Variants in ENTREP2 observed in about 807,000 individuals in gnomAD.
The protein encoded by ENTREP2 is protein ENTREP2.
chr15:29,130,045 G>C, the ENTREP2 span, among the ~76,000 whole-genome samples: 12 of 152,144 alleles, frequency 7.9e-5, no homozygotes, highest in African/African-American at 2.7e-4. Flanking sequence ...ACTTCAATCA[G>C]ATAGCTGGTC....
chr15:29,312,067 T>C, the ENTREP2 span, among the ~76,000 whole-genome samples: 1 of 151,894 alleles, frequency 6.6e-6, no homozygotes, highest in Non-Finnish European at 1.5e-5. Context: ...AGATAGAAAA[T>C]ACATATTTAT....
chr15:29,541,144 T>C, the ENTREP2 span, among the ~76,000 whole-genome samples: 15 of 152,126 alleles, frequency 9.9e-5, no homozygotes, highest in Non-Finnish European at 2.2e-4. Context: ...TCCCTCCCTA[T>C]GTCAGGCATT....
chr15:29,598,084 C>T, the ENTREP2 span, among the ~76,000 whole-genome samples: 22 of 151,872 alleles, frequency 1.4e-4, no homozygotes, highest in South Asian at 8.3e-4. Flanking sequence ...GATCACACCA[C>T]GCACTCTAGC....
chr15:29,258,393 G>C, the ENTREP2 span, among the ~76,000 whole-genome samples: 78 of 151,980 alleles, frequency 5.1e-4, 1 homozygote, highest in African/African-American at 2.4e-5. Flanking sequence ...AACCTACACA[G>C]AAGCCAACAA....
At chr15:29,145,661 G>C in the ENTREP2 span, among the ~76,000 whole-genome samples, 2 of 145,826 alleles carry the variant, frequency 1.4e-5, no homozygotes, top group Non-Finnish European at 3.0e-5. Flanking sequence ...AACAAACTAG[G>C]AATAGAAGGG....
At chr15:29,378,510 A>T in the ENTREP2 span, among the ~76,000 whole-genome samples, 1 of 152,220 alleles carries the variant, frequency 6.6e-6, no homozygotes, top group Non-Finnish European at 1.5e-5. Context: ...TGAACAAAGC[A>T]GATTACCCTC....
chr15:29,437,171 A>G, the ENTREP2 span, among the ~76,000 whole-genome samples: 1 of 152,222 alleles, frequency 6.6e-6, no homozygotes, highest in African/African-American at 2.4e-5. Flanking sequence ...GAATCAGGTC[A>G]TTGAAAAGAA....
the ENTREP2 span, among the ~76,000 whole-genome samples, chr15:29,298,542 C>T: frequency 6.6e-6 from 1 of 152,050 alleles, no homozygotes; most frequent in Non-Finnish European, 1.5e-5. Context: ...ATCACTTCTC[C>T]TACAGGCATT....
chr15:29,424,193 G>C, the ENTREP2 span, among the ~76,000 whole-genome samples: 1 of 152,186 alleles, frequency 6.6e-6, no homozygotes, highest in African/African-American at 2.4e-5. Flanking sequence ...GCAACAGCAA[G>C]CTTTATTGCC....
chr15:29,569,761 A>G, the ENTREP2 span: 1 of 152,218 alleles, frequency 6.6e-6, no homozygotes. Context: ...TTTGTTCACC[A>G]CTGGCTTCTC....
the ENTREP2 span, among the ~76,000 whole-genome samples, chr15:29,119,278 G>GAAAAGCAA: frequency 3.6e-4 from 19 of 53,518 alleles, no homozygotes; most frequent in Admixed American, 1.2e-3. Flanking sequence ...GCTTAAGAAT[G>GAAAAGCAA]ATGAGTTCAT....
At chr15:29,411,616 T>C in the ENTREP2 span, among the ~76,000 whole-genome samples, 3,096 of 152,292 alleles carry the variant, frequency 0.02, 99 homozygotes, top group African/African-American at 0.071. Flanking sequence ...CTCCTTCCAG[T>C]TGTGTTTTTG....
chr15:29,409,621 G>C, the ENTREP2 span, among the ~76,000 whole-genome samples: 1 of 119,718 alleles, frequency 8.4e-6, no homozygotes, highest in African/African-American at 3.7e-5. Context: ...CACCGTGCCC[G>C]GCCTATTTTT....
At chr15:29,403,467 T>G in the ENTREP2 span, among the ~76,000 whole-genome samples, 1 of 152,182 alleles carries the variant, frequency 6.6e-6, no homozygotes, top group Non-Finnish European at 1.5e-5. Context: ...TACAGAACAT[T>G]AATTCCATTA....
chr15:29,600,113 C>T, the ENTREP2 span, among the ~76,000 whole-genome samples: 4 of 152,168 alleles, frequency 2.6e-5, no homozygotes, highest in African/African-American at 7.2e-5. Context: ...GTGCCCATGG[C>T]ACAATTCAGT....
the ENTREP2 span, chr15:29,121,286 C>T: frequency 6.6e-6 from 1 of 152,282 alleles, no homozygotes; most frequent in Non-Finnish European, 1.5e-5. Context: ...AGGCCTCTGC[C>T]CCGGCTGCAT....
chr15:29,121,816 G>A, the ENTREP2 span: 2 of 152,298 alleles, frequency 1.3e-5, no homozygotes, highest in Non-Finnish European at 2.9e-5. Flanking sequence ...GCAGCCCCCA[G>A]GGCAGGGATA....
the ENTREP2 span, among the ~76,000 whole-genome samples, chr15:29,564,566 C>A: frequency 6.6e-6 from 1 of 152,254 alleles, no homozygotes; most frequent in African/African-American, 2.4e-5. Flanking sequence ...CAGGTCCACA[C>A]ACAGTTAGTT....
the ENTREP2 span, among the ~76,000 whole-genome samples, chr15:29,421,959 G>C: frequency 6.6e-6 from 1 of 152,204 alleles, no homozygotes; most frequent in Non-Finnish European, 1.5e-5. Context: ...GTGGAGGCCT[G>C]AAAGAGAACT....
Sources: gnomAD v4.1 joint callset for allele counts (sites outside exome capture counted in the v4.1 genomes callset) on GRCh38, gnomAD v4.1.1 for gene constraint, MANE v1.5 for transcripts, NCBI Gene and HGNC (gene_info 2026-07-23, HGNC 2026-07-21) for gene names.